NLGN1: variants seen among roughly 807,000 people sequenced by gnomAD.
NLGN1 encodes the protein neuroligin-1.
Under a neutral mutation model 65.5 loss-of-function variants are expected in NLGN1, and 12 were observed. The observed-to-expected ratio is 0.18, with a 90% CI of 0.12 to 0.30. NLGN1 has a LOEUF of 0.30. Ranked by LOEUF, NLGN1 falls within the 10% of genes least tolerant of loss-of-function variation. NLGN1 has a pLI of 1.00. For synonymous variants in NLGN1, 350 were observed against 359.5 expected, an observed-to-expected ratio of 0.97 and a Z score of 0.30; for missense variants, 750 against 1,007.1, an observed-to-expected ratio of 0.74 and a Z score of 3.46.
Position 174,280,466 on chromosome 3 carries a change from T to C in NLGN1, c.1650-15T>C, listed in dbSNP as rs746892296. 5.2e-6 allele frequency: 8 copies of C among 1,534,988 alleles called. No homozygotes were observed. In the Admixed American group the frequency reaches 1.4e-4, roughly 27 times the overall value. On this transcript the variant is annotated splice_polypyrimidine_tract_variant and intron_variant, in intron 6 of 6. Transcript: ENST00000457714. The surrounding 1 kb of genome is among the most constrained non-coding windows in gnomAD (Gnocchi z 4.9). ...AAAATAGCTTTATTCTCATAATTTA[T>C]CTTTTCCTTCTTAGTGACCCAAATC... is the stretch of plus-strand genomic sequence containing the variant.
At chr3:173,973,353 A>G (rs1280658104) in intron 4 of NLGN1, among the ~76,000 whole-genome samples, 2 of 152,102 alleles carry the variant, frequency 1.3e-5, no homozygotes, top group Non-Finnish European at 2.9e-5. Flanking sequence ...TCCGCCCAGG[A>G]GTCCTGTTGT....
intron 4 of NLGN1, among the ~76,000 whole-genome samples, chr3:174,020,856 G>A (rs2152457618): frequency 6.6e-6 from 1 of 152,204 alleles, no homozygotes; most frequent in South Asian, 2.1e-4. Flanking sequence ...TAAATGTCTG[G>A]AATCCAAAGT....
chr3:173,563,129 A>C (rs1323592461), intron 2 of NLGN1, among the ~76,000 whole-genome samples: 1 of 152,220 alleles, frequency 6.6e-6, no homozygotes. Flanking sequence ...CACTGAATGA[A>C]ATAATACATT....
intron 4 of NLGN1, among the ~76,000 whole-genome samples, chr3:173,854,974 A>G (rs1348460208): frequency 6.6e-6 from 1 of 152,142 alleles, no homozygotes; most frequent in Non-Finnish European, 1.5e-5. Context: ...AATCACAAAG[A>G]ATTATTTTTT....
At chr3:174,086,316 T>TATATATTTATGTATGTGCATAA (rs1561008372) in intron 4 of NLGN1, among the ~76,000 whole-genome samples, 1 of 2,194 alleles carries the variant, frequency 4.6e-4, no homozygotes, top group Non-Finnish European at 2.1e-3. Context: ...TGCATAAATA[T>TATATATTTATGTATGTGCATAA]ATATATATAT....
chr3:173,596,653 G>T (rs1749541562), intron 2 of NLGN1, among the ~76,000 whole-genome samples: 1 of 32,256 alleles, frequency 3.1e-5, no homozygotes, highest in African/African-American at 1.0e-4. Context: ...TGATGCTCAT[G>T]GCAGAGTAAA....
chr3:174,291,208 TAAG>T (rs1344781506), downstream of NLGN1, among the ~76,000 whole-genome samples: 3 of 146,002 alleles, frequency 2.1e-5, no homozygotes, highest in Non-Finnish European at 4.6e-5. Flanking sequence ...AAGGGAGAAA[TAAG>T]AAAAAAAATC....
At chr3:173,574,060 C>T (rs1432211511) in intron 2 of NLGN1, among the ~76,000 whole-genome samples, 1 of 96,552 alleles carries the variant, frequency 1.0e-5, no homozygotes. Flanking sequence ...GAGACTCCAC[C>T]TCAAAAAAAA....
intron 4 of NLGN1, among the ~76,000 whole-genome samples, chr3:174,267,221 T>G (rs1748432061): frequency 6.6e-6 from 1 of 152,212 alleles, no homozygotes; most frequent in South Asian, 2.1e-4. Flanking sequence ...TCTGCAGTTC[T>G]GTACAAGAAA....
chr3:174,277,204 GA>G (rs745920269), intron 5 of NLGN1, among the ~76,000 whole-genome samples: 3 of 151,834 alleles, frequency 2.0e-5, no homozygotes, highest in Non-Finnish European at 4.4e-5. Flanking sequence ...AGGAGATGCT[GA>G]AAAAAATCTC....
At chr3:174,086,183 ATGTGTG>A (rs140331992) in intron 4 of NLGN1, among the ~76,000 whole-genome samples, 38 of 143,972 alleles carry the variant, frequency 2.6e-4, no homozygotes, top group African/African-American at 9.0e-4. Context: ...AAGTATATAT[ATGTGTG>A]TGTGTGTGTG....
intron 2 of NLGN1, among the ~76,000 whole-genome samples, chr3:173,581,621 A>T (rs544442699): frequency 6.6e-6 from 1 of 152,108 alleles, no homozygotes; most frequent in African/African-American, 2.4e-5. Flanking sequence ...TAGAATTTCT[A>T]ATATCAATTA....
intron 1 of NLGN1, among the ~76,000 whole-genome samples, chr3:173,420,820 A>G (rs1714901585): frequency 1.3e-5 from 2 of 152,268 alleles, no homozygotes; most frequent in African/African-American, 2.4e-5. Context: ...TTTCCACACT[A>G]ATTTGATATG....
At chr3:173,925,042 A>G (rs1005437190) in intron 4 of NLGN1, among the ~76,000 whole-genome samples, 3 of 152,176 alleles carry the variant, frequency 2.0e-5, no homozygotes, top group African/African-American at 7.2e-5. Context: ...AAAAGTTAAT[A>G]AAAGAAATAA....
At chr3:173,565,759 G>C (rs1437384529) in intron 2 of NLGN1, among the ~76,000 whole-genome samples, 1 of 152,132 alleles carries the variant, frequency 6.6e-6, no homozygotes, top group Non-Finnish European at 1.5e-5. Flanking sequence ...TTGAAAGACA[G>C]AAATATTCTG....
intron 2 of NLGN1, among the ~76,000 whole-genome samples, chr3:173,499,683 A>G (rs191235934): frequency 2.0e-4 from 31 of 151,992 alleles, no homozygotes; most frequent in Admixed American, 1.2e-3. Flanking sequence ...CTTCCTACCC[A>G]TGAGCATGGG....
At chr3:173,505,606 C>T (rs1388185697) in intron 2 of NLGN1, among the ~76,000 whole-genome samples, 1 of 151,962 alleles carries the variant, frequency 6.6e-6, no homozygotes, top group African/African-American at 2.4e-5. Context: ...ATATTACCTC[C>T]ACCTTGAAAG....
chr3:174,215,166 C>A (rs10936778), intron 4 of NLGN1, among the ~76,000 whole-genome samples: 93,104 of 151,824 alleles, frequency 0.61, 30,151 homozygotes, highest in East Asian at 0.77. Context: ...CAGATCATCA[C>A]CTCTGACTTA....
intron 2 of NLGN1, among the ~76,000 whole-genome samples, chr3:173,451,002 T>C (rs1417959489): frequency 6.6e-6 from 1 of 152,214 alleles, no homozygotes; most frequent in Non-Finnish European, 1.5e-5. Flanking sequence ...TTGTCATTGT[T>C]TCGAACTTCC....
Sources: allele counts gnomAD v4.1 joint callset (sites outside exome capture counted in the v4.1 genomes callset), GRCh38; gene constraint gnomAD v4.1.1; non-coding constraint Gnocchi (gnomAD v3.1); transcripts MANE v1.5; gene names NCBI Gene and HGNC (gene_info 2026-07-23, HGNC 2026-07-21).